DLG2: variants seen among roughly 807,000 people sequenced by gnomAD.
DLG2 encodes discs large MAGUK scaffold protein 2.
DLG2 carries 45 observed loss-of-function variants against 132.5 expected under a neutral mutation model. That is an observed-to-expected ratio of 0.34 (90% CI 0.27 to 0.44). The LOEUF is 0.44. DLG2 is among the 20% of genes least tolerant of loss of function. DLG2 has a pLI of 1.00. For missense variants in DLG2, 1,045 were observed against 1,196.9 expected (o/e 0.87, Z 1.87); for synonymous variants, 424 against 419.6 (o/e 1.01, Z -0.13).
intron 19 of DLG2, among the ~76,000 whole-genome samples, chr11:83,625,093 G>T (rs574593607): frequency 2.6e-5 from 4 of 152,290 alleles, no homozygotes; most frequent in South Asian, 4.1e-4. Context: ...GAATTATGAG[G>T]AAATGAATGT....
intron 3 of DLG2, among the ~76,000 whole-genome samples, chr11:85,508,563 A>G (rs1203941614): frequency 1.3e-5 from 2 of 152,020 alleles, no homozygotes; most frequent in Non-Finnish European, 2.9e-5. Flanking sequence ...TCTGCTCACT[A>G]GGTTGTAAGC....
intron 12 of DLG2, among the ~76,000 whole-genome samples, chr11:83,966,025 G>A (rs1417369348): frequency 6.6e-6 from 1 of 151,910 alleles, no homozygotes; most frequent in African/African-American, 2.4e-5. Context: ...TCTTACTAGC[G>A]CATGTTTAGT....
chr11:83,656,735 CT>C (rs2153533171), intron 18 of DLG2, among the ~76,000 whole-genome samples: 1 of 152,282 alleles, frequency 6.6e-6, no homozygotes, highest in African/African-American at 2.4e-5. Context: ...TTTTGTTGTA[CT>C]TTAGATATCA....
rs768438549 is a variant in DLG2 at position 84,056,240 on chromosome 11, A to G, written c.919+3075T>C. 8.0e-4 allele frequency among the ~76,000 whole-genome samples: 121 copies of G among 152,018 alleles called. 7 individuals carry two copies. Among genetic ancestry groups the G allele is most frequent in the Non-Finnish European group, 5.1e-4 (35 of 68,000 alleles). The stretch of plus-strand genomic sequence containing the variant: ...CCCTCCCCTTCCCCACAACCCCGGA[A>G]CAGGCCCTGGTGTGTAAAGTTCCCC... On this transcript the variant is annotated intron_variant, in intron 11 of 27. Transcript: ENST00000376104.
chr11:83,954,288 CCTACTTCTAG>C (rs1429567094), intron 14 of DLG2, among the ~76,000 whole-genome samples: 14 of 152,176 alleles, frequency 9.2e-5, no homozygotes, highest in Non-Finnish European at 1.9e-4. Context: ...CTCTCTGCTT[CCTACTTCTAG>C]TAGGATAGTT....
At chr11:84,531,163 T>C (rs2099338515) in intron 7 of DLG2, among the ~76,000 whole-genome samples, 1 of 152,144 alleles carries the variant, frequency 6.6e-6, no homozygotes, top group Admixed American at 6.6e-5. Flanking sequence ...AATGAGATCA[T>C]ATTCTTTGCA....
chr11:83,530,232 A>T (rs1393574483), intron 21 of DLG2, among the ~76,000 whole-genome samples: 3 of 152,066 alleles, frequency 2.0e-5, no homozygotes, highest in African/African-American at 7.2e-5. Context: ...TTATGTCATG[A>T]TGTCACATAC....
intron 18 of DLG2, among the ~76,000 whole-genome samples, chr11:83,666,744 G>A (rs944627942): frequency 6.6e-6 from 1 of 152,096 alleles, no homozygotes; most frequent in Non-Finnish European, 1.5e-5. Flanking sequence ...ACTCCACCAT[G>A]AGTTGAAAAG....
chr11:84,691,969 C>T (rs957485672), intron 6 of DLG2, among the ~76,000 whole-genome samples: 18 of 151,770 alleles, frequency 1.2e-4, no homozygotes, highest in Non-Finnish European at 2.9e-5. Flanking sequence ...CCATTCTCCA[C>T]ATTTCTGCCT....
intron 7 of DLG2, among the ~76,000 whole-genome samples, chr11:84,344,351 T>G (rs961110579): frequency 1.3e-5 from 2 of 152,232 alleles, no homozygotes; most frequent in East Asian, 1.9e-4. Context: ...TTTGGAAAGG[T>G]TCAATAAATT....
chr11:85,283,699 A>C (rs2078379087), intron 4 of DLG2, among the ~76,000 whole-genome samples: 1 of 151,916 alleles, frequency 6.6e-6, no homozygotes, highest in African/African-American at 2.4e-5. Flanking sequence ...CTTATCTATT[A>C]ATTTGACAAC....
chr11:84,928,508 G>T (rs1346584548), intron 6 of DLG2, among the ~76,000 whole-genome samples: 2 of 151,852 alleles, frequency 1.3e-5, no homozygotes, highest in African/African-American at 4.8e-5. Context: ...AGTGAAAAGA[G>T]AACTGAAATG....
chr11:85,515,998 T>C (rs1469243473), intron 3 of DLG2, among the ~76,000 whole-genome samples: 1 of 151,952 alleles, frequency 6.6e-6, no homozygotes, highest in Non-Finnish European at 1.5e-5. Flanking sequence ...ATTCACAGAG[T>C]GAAATCCCAA....
At chr11:83,510,280 A>C (rs1325100303) in intron 21 of DLG2, among the ~76,000 whole-genome samples, 1 of 141,130 alleles carries the variant, frequency 7.1e-6, no homozygotes, top group African/African-American at 2.5e-5. Flanking sequence ...TTGGATGTTG[A>C]CTCAGTTTCA....
chr11:84,984,820 CG>C (rs1179252460), intron 6 of DLG2, among the ~76,000 whole-genome samples: 1 of 152,020 alleles, frequency 6.6e-6, no homozygotes, highest in Non-Finnish European at 1.5e-5. Flanking sequence ...ACACCAAAAG[CG>C]GGCAGGAGTA....
chr11:83,890,191 G>T (rs929890543), intron 15 of DLG2, among the ~76,000 whole-genome samples: 1 of 152,066 alleles, frequency 6.6e-6, no homozygotes, highest in Non-Finnish European at 1.5e-5. Flanking sequence ...GAAATGGGAA[G>T]ATTTTCGTAT....
chr11:85,150,010 ATTTTTT>A (rs962380618), intron 5 of DLG2, among the ~76,000 whole-genome samples: 2 of 112,304 alleles, frequency 1.8e-5, no homozygotes, highest in East Asian at 2.7e-4. Context: ...TCAGTTTTTA[ATTTTTT>A]TTTTTTTTTT....
chr11:84,024,456 G>T (rs1184066885), intron 11 of DLG2, among the ~76,000 whole-genome samples: 2 of 152,098 alleles, frequency 1.3e-5, no homozygotes, highest in African/African-American at 4.8e-5. Context: ...AGAGATATCA[G>T]CCACCTCATG....
chr11:84,662,585 G>C (rs79420319), intron 6 of DLG2, among the ~76,000 whole-genome samples: 1 of 150,086 alleles, frequency 6.7e-6, no homozygotes, highest in Non-Finnish European at 1.5e-5. Flanking sequence ...TTGGGAGTTC[G>C]AGACCAGTCC....
Sources: gnomAD v4.1 joint callset for allele counts (sites outside exome capture counted in the v4.1 genomes callset) on GRCh38, gnomAD v4.1.1 for gene constraint, MANE v1.5 for transcripts, NCBI Gene and HGNC (gene_info 2026-07-23, HGNC 2026-07-21) for gene names.